The following HMGXB3 variants were observed in gnomAD, a reference collection of about 807,000 sequenced individuals.
HMGXB3 encodes HMG-box containing 3, also known as HMG domain-containing protein 3.
HMGXB3 carries 45 observed loss-of-function variants against 121.5 expected under a neutral mutation model. The observed-to-expected ratio is 0.37, with a 90% CI of 0.29 to 0.47. The LOEUF is 0.47. Among genes scored for constraint, HMGXB3 ranks in the 20% least tolerant of loss-of-function variants. The probability of loss-of-function intolerance (pLI) is 0.99; values close to 1 mark genes in which losing one functional copy is unlikely to be tolerated. For missense variants in HMGXB3, 1,376 were observed against 1,602.2 expected (o/e 0.86, Z 2.41); for synonymous variants, 590 against 624.1 (o/e 0.95, Z 0.81).
rs112829017 is a variant in HMGXB3 at position 150,032,501 on chromosome 5, C to T, written c.1881C>T (p.Pro627=). The part of the protein sequence containing the change: ...TSRGRGKCKN[P]SCSYVYTNRH... ...GAGGCCGGGGAAAGTGCAAGAATCC[C>T]TCTTGTAGCTATGTCTACACCAACA... Residue 627 remains proline (P), a synonymous_variant, in exon 11 of 20, where the codon CCC becomes CCT. Transcript: ENST00000502717. 8.4e-6 allele frequency: 13 copies of T among 1,551,802 alleles called. No homozygotes were observed. The highest frequency in any genetic ancestry group is 1.1e-5 in the Non-Finnish European group (13 of 1,146,996).
chr5:150,022,059 T>G (rs1756108955), intron 6 of HMGXB3: 1 of 274,040 alleles, frequency 3.6e-6, no homozygotes, highest in South Asian at 3.8e-5. Flanking sequence ...AGCAAAACAT[T>G]ATATTTTTTT....
At chr5:150,029,239 A>G (rs1756316015) in intron 9 of HMGXB3, among the ~76,000 whole-genome samples, 2 of 151,674 alleles carry the variant, frequency 1.3e-5, no homozygotes, top group Admixed American at 1.3e-4. Flanking sequence ...AGTGATACAG[A>G]TATTAAAAAT....
At chr5:150,013,897 C>T (rs567760404) in intron 5 of HMGXB3, among the ~76,000 whole-genome samples, 1 of 152,300 alleles carries the variant, frequency 6.6e-6, no homozygotes, top group African/African-American at 2.4e-5. Flanking sequence ...AAAGTTTAGA[C>T]CTTAAAATAA....
rs1755810224 is a variant in HMGXB3, at chr5:150,010,695, T to G, written c.810+87T>G. The G allele has an allele frequency of 9.1e-6, 12 of 1,322,286 alleles. No individual in the cohort carries two copies. The Admixed American group carries it at 2.2e-4, about 24-fold the overall frequency. 81.9% of individuals were successfully genotyped at this position (1,322,286 alleles called of 1,614,324 possible). Reference sequence around the variant, plus strand: ...ACCATACAGTGTGATTCCAGAGCAGTGGTAATCAAGAGTACTGGTGTGGCA... The same window carrying G: ...ACCATACAGTGTGATTCCAGAGCAGGGGTAATCAAGAGTACTGGTGTGGCA... On this transcript the variant is annotated intron_variant, in intron 4 of 19. Coordinates refer to ENST00000502717, the MANE Select transcript of HMGXB3 (RefSeq NM_014983.3).
chr5:150,052,462 C>T lies in HMGXB3; in HGVS notation c.*270C>T. 2.3e-6 allele frequency: 1 copy of T among 442,648 alleles called. No individual in the cohort carries two copies. Among genetic ancestry groups the T allele is most frequent in the Admixed American group, 3.7e-5 (1 of 26,962 alleles). 27.4% of individuals were successfully genotyped at this position (442,648 alleles called of 1,614,324 possible). A position where few individuals can be genotyped will look rare whatever the true frequency, so the allele number is the denominator to read the frequency against. ...CACGGTATGTTTAATGGAGGGGAGG[C>T]TGAGGGAAAGGCTCGTAGCTGGTGG... is the stretch of plus-strand genomic sequence containing the variant. On this transcript the variant is annotated 3_prime_UTR_variant, in exon 20 of 20. Transcript: ENST00000502717.
chr5:150,024,848 C>T (rs554903725), intron 7 of HMGXB3, among the ~76,000 whole-genome samples, 168 bp downstream of exon 7: 23 of 152,292 alleles, frequency 1.5e-4, no homozygotes, highest in South Asian at 4.1e-4. Context: ...TCCCTTCCCC[C>T]GGACTCTGCT....
chr5:150,036,155 C>A (rs1756496863), intron 11 of HMGXB3, among the ~76,000 whole-genome samples: 1 of 152,176 alleles, frequency 6.6e-6, no homozygotes, highest in South Asian at 2.1e-4. Context: ...AACCCCATAC[C>A]TGATGAATGA....
intron 17 of HMGXB3, 145 bp downstream of exon 17, chr5:150,047,902 A>G (rs1277041650): frequency 3.6e-6 from 3 of 838,130 alleles, no homozygotes; most frequent in South Asian, 3.4e-5. Flanking sequence ...GAGATGGTCA[A>G]CAGCTAGATG....
At chr5:150,040,673 C>T (rs1339989805) in intron 13 of HMGXB3, 75 bp from the exon 14 acceptor site, 2 of 1,461,798 alleles carry the variant, frequency 1.4e-6, no homozygotes, top group Non-Finnish European at 1.8e-6. Flanking sequence ...CCACCGCACC[C>T]AGCTGGTGTG....
At chr5:150,032,354 T>C (rs1756400406) in intron 10 of HMGXB3, 100 bp from the exon 11 acceptor site, 11 of 1,150,246 alleles carry the variant, frequency 9.6e-6, no homozygotes, top group Non-Finnish European at 1.2e-6. Flanking sequence ...CAGTTGCCAC[T>C]CTCTTCTCTG....
chr5:150,045,143 T>G (rs985821212), intron 15 of HMGXB3, among the ~76,000 whole-genome samples: 4 of 152,242 alleles, frequency 2.6e-5, no homozygotes. Flanking sequence ...CATTACAAAG[T>G]GTCTGGCACA....
chr5:150,010,020 C>T, intron 3 of HMGXB3, 91 bp from the exon 4 acceptor site: 1 of 1,349,888 alleles, frequency 7.4e-7, no homozygotes, highest in Non-Finnish European at 9.9e-7. Context: ...AAAAAAAGAA[C>T]TTACACATAT....
At position 150,037,562 on chromosome 5, in the gene HMGXB3, CA is replaced by C. The variant is rs1162450051; in HGVS notation, c.2413+38del. Reference sequence around the variant, plus strand: ...AACCTTCTCTTCCCTCAGAGCATCCCAAAGCAGGCTTGGGAACTGCCTCTAT... The same window carrying C: ...AACCTTCTCTTCCCTCAGAGCATCCCAAGCAGGCTTGGGAACTGCCTCTAT... On this transcript the variant is annotated intron_variant, in intron 13 of 19. Coordinates refer to ENST00000502717, the MANE Select transcript of HMGXB3 (RefSeq NM_014983.3). 2.7e-6 allele frequency: 4 copies of C among 1,477,952 alleles called. No individual in the cohort carries two copies. In the East Asian group the frequency reaches 1.0e-4, roughly 38 times the overall value. The allele number at this position is 1,477,952 out of a possible 1,614,324, so 91.6% of individuals were successfully genotyped here.
chr5:150,014,480 C>G (rs1228691097), intron 5 of HMGXB3, among the ~76,000 whole-genome samples: 3 of 152,184 alleles, frequency 2.0e-5, no homozygotes, highest in African/African-American at 7.2e-5. Context: ...GGTACAGTAG[C>G]ACTTTAAAGA....
intron 7 of HMGXB3, 54 bp from the exon 8 acceptor site, chr5:150,026,652 G>A: frequency 1.4e-6 from 2 of 1,470,058 alleles, no homozygotes; most frequent in Non-Finnish European, 1.8e-6. Context: ...ATTGCGCTTT[G>A]GTTTTCTTCC....
intron 5 of HMGXB3, chr5:150,015,215 G>A (rs1561856571): frequency 4.3e-6 from 1 of 231,618 alleles, no homozygotes; most frequent in African/African-American, 2.3e-5. Context: ...CACTGCCCTG[G>A]TAGTTCTCAT....
intron 7 of HMGXB3, among the ~76,000 whole-genome samples, chr5:150,024,915 CATTA>C (rs1408804887): frequency 3.3e-5 from 5 of 152,202 alleles, no homozygotes; most frequent in Admixed American, 2.6e-4. Flanking sequence ...CTCCCTAAAG[CATTA>C]ATTAGAGTCT....
At chr5:150,041,700 G>T (rs999278837) in intron 14 of HMGXB3, 85 bp from the exon 15 acceptor site, 5 of 943,554 alleles carry the variant, frequency 5.3e-6, no homozygotes, top group Admixed American at 2.2e-5. Flanking sequence ...TGGCAGAATT[G>T]CTCTACTTAC....
Position 150,052,161 on chromosome 5 carries a change from A to G in HMGXB3, c.3848A>G (p.Glu1283Gly). The G allele has an allele frequency of 6.5e-7, 1 of 1,547,646 alleles. No homozygotes were observed. ...QIKTETEEEG[E>G]EEEVAAVAE is the part of the protein sequence containing the mutation. ...AAGACAGAGACAGAGGAGGAGGGTG[A>G]GGAAGAGGAGGTGGCCGCAGTGGCA... The change falls in exon 20 of 20, where the codon GAG (glutamate) becomes GGG (glycine). Residue 1283 changes from glutamate (E) to glycine (G), a missense_variant. Physicochemically the swap from Glu to Gly is moderately conservative, Grantham distance 98. This residue lies in a region of HMGXB3 where 260 missense variants were observed against 233.2 expected (regional missense o/e 1.11). Coordinates refer to ENST00000502717, the MANE Select transcript of HMGXB3 (RefSeq NM_014983.3).
Sources: allele counts gnomAD v4.1 joint callset (sites outside exome capture counted in the v4.1 genomes callset), GRCh38; gene constraint gnomAD v4.1.1; regional missense constraint gnomAD v4.1.1; transcripts MANE v1.5; gene names NCBI Gene and HGNC (gene_info 2026-07-23, HGNC 2026-07-21).